ARHGAP44: variants seen among roughly 807,000 people sequenced by gnomAD.
The protein encoded by ARHGAP44 is rho GTPase-activating protein 44.
ARHGAP44 carries 43 observed loss-of-function variants against 106.8 expected under a neutral mutation model. The ratio of observed to expected loss-of-function variants is 0.40; its 90% CI spans 0.32 to 0.52. ARHGAP44 has a LOEUF of 0.52. Among genes scored for constraint, ARHGAP44 ranks in the 20% least tolerant of loss-of-function variants. ARHGAP44 has a pLI of 0.48. For synonymous variants in ARHGAP44, 439 were observed against 410.3 expected (o/e 1.07, Z -0.85); for missense variants, 866 against 1,050.5 (o/e 0.82, Z 2.43).
chr17:12,965,838 G>A (rs1444465921), intron 16 of ARHGAP44, among the ~76,000 whole-genome samples: 4 of 152,102 alleles, frequency 2.6e-5, no homozygotes, highest in African/African-American at 9.7e-5. Flanking sequence ...AGATCCTGTG[G>A]TGGAGGGTTG....
intron 1 of ARHGAP44, among the ~76,000 whole-genome samples, chr17:12,813,298 G>GTT (rs201101518): frequency 5.4e-5 from 8 of 147,190 alleles, no homozygotes; most frequent in East Asian, 2.0e-4. Context: ...GTTAAAGGAG[G>GTT]TTTTTTGTTT....
chr17:12,908,898 A>G lies in ARHGAP44; in HGVS notation c.200A>G (p.Lys67Arg), dbSNP rs1598036483. The G allele has an allele frequency of 1.2e-6, 2 of 1,603,642 alleles. No homozygotes were observed. The highest frequency in any genetic ancestry group is 1.7e-6 in the Non-Finnish European group (2 of 1,177,050). The part of the protein sequence containing the change: ...QQGAEADKRS[K>R]KLPLTTLAQC... ...TTACAGCATTTGCTTTCTTTTCAGA[A>G]AAAGTTGCCTTTGACAACACTGGCT... The change falls in exon 4 of 21, where the codon AAA becomes AGA. Residue 67 changes from lysine (K) to arginine (R), a missense_variant and splice_region_variant. This residue lies in a region of ARHGAP44 where 448 missense variants were observed against 646.9 expected (regional missense o/e 0.69). Coordinates refer to ENST00000379672, the MANE Select transcript of ARHGAP44 (RefSeq NM_014859.6).
chr17:12,818,976 A>T (rs2034681879), intron 1 of ARHGAP44, among the ~76,000 whole-genome samples: 1 of 152,076 alleles, frequency 6.6e-6, no homozygotes, highest in East Asian at 1.9e-4. Flanking sequence ...GACAATCTAG[A>T]AAGAAGAACA....
intron 1 of ARHGAP44, among the ~76,000 whole-genome samples, chr17:12,894,669 A>G (rs927512093): frequency 1.3e-5 from 2 of 151,966 alleles, no homozygotes; most frequent in African/African-American, 2.4e-5. Flanking sequence ...ATATATACAT[A>G]TCTGGAAACA....
intron 7 of ARHGAP44, among the ~76,000 whole-genome samples, chr17:12,939,688 G>A (rs1458192775): frequency 6.6e-6 from 1 of 152,102 alleles, no homozygotes; most frequent in Non-Finnish European, 1.5e-5. Context: ...GGATGGTCTC[G>A]ATCTCCTGAC....
chr17:12,905,357 T>C (rs1291902386), intron 3 of ARHGAP44, among the ~76,000 whole-genome samples: 1 of 152,204 alleles, frequency 6.6e-6, no homozygotes, highest in Non-Finnish European at 1.5e-5. Context: ...AGGTGTTAAA[T>C]GACTCAAAAT....
At chr17:12,848,496 A>G (rs1207973250) in intron 1 of ARHGAP44, among the ~76,000 whole-genome samples, 1 of 152,170 alleles carries the variant, frequency 6.6e-6, no homozygotes, top group African/African-American at 2.4e-5. Flanking sequence ...TATCCTTTGA[A>G]GTATTCCTGC....
intron 13 of ARHGAP44, among the ~76,000 whole-genome samples, chr17:12,954,338 A>G (rs2039075244): frequency 6.6e-6 from 1 of 152,158 alleles, no homozygotes; most frequent in African/African-American, 2.4e-5. Flanking sequence ...AAAGTAGTAA[A>G]TTGTACGTAT....
Position 12,955,948 on chromosome 17 carries a change from A to C in ARHGAP44, c.1218A>C (p.Leu406Phe). The change falls in exon 14 of 21, where the codon TTA becomes TTC. Residue 406 changes from leucine (L) to phenylalanine (F), a missense_variant. By Grantham distance (22) the Leu-to-Phe change is conservative (BLOSUM62 0). Transcript: ENST00000379672. The part of the protein sequence containing the change: ...KMTPSNMAIV[L>F]GPNLLWPQAE... ...CTCCCAGTAATATGGCAATTGTTTTAGGACCCAACCTCCTATGGCCACAAG... is the reference window on the plus strand; with the variant it reads ...CTCCCAGTAATATGGCAATTGTTTTCGGACCCAACCTCCTATGGCCACAAG... 6.2e-7 allele frequency: 1 copy of C among 1,613,508 alleles called. No homozygotes were observed. The highest frequency in any genetic ancestry group is 1.1e-5 in the South Asian group (1 of 91,044).
chr17:12,880,130 T>C (rs2036681453), intron 1 of ARHGAP44, among the ~76,000 whole-genome samples: 1 of 152,174 alleles, frequency 6.6e-6, no homozygotes, highest in East Asian at 1.9e-4. Flanking sequence ...GTTTTTCATC[T>C]TGTAGGAATC....
intron 1 of ARHGAP44, among the ~76,000 whole-genome samples, chr17:12,863,594 T>A (rs983655424): frequency 1.3e-5 from 2 of 152,186 alleles, no homozygotes; most frequent in African/African-American, 4.8e-5. Flanking sequence ...AGGAGAGACC[T>A]GGAGACAATA....
At position 12,949,189 on chromosome 17, in the gene ARHGAP44, C is replaced by G; in HGVS notation, c.911C>G (p.Ala304Gly). The G allele has an allele frequency of 3.2e-6, 5 of 1,582,628 alleles. No homozygotes were observed. Among genetic ancestry groups the G allele is most frequent in the Non-Finnish European group, 4.3e-6 (5 of 1,164,518 alleles). Reference protein sequence around the residue: ...PSASKLKKLKAALDCCVVDVQ... With the variant: ...PSASKLKKLKGALDCCVVDVQ... ...GCCTCCAAACTGAAGAAGCTGAAAG[C>G]GGCCCTGGACTGCTGCGTGGTGGAT... The change falls in exon 11 of 21, where the codon GCG becomes GGG. Residue 304 changes from alanine (A) to glycine (G), a missense_variant. Around this residue, in one of 2 missense-constraint regions of ARHGAP44, gnomAD observed 448 missense variants for 646.9 expected, o/e 0.69. Transcript: ENST00000379672. The surrounding 1 kb of genome is among the most constrained non-coding windows in gnomAD (Gnocchi z 4.1).
intron 1 of ARHGAP44, among the ~76,000 whole-genome samples, chr17:12,830,067 T>G (rs1293293170): frequency 6.6e-6 from 1 of 152,182 alleles, no homozygotes; most frequent in Admixed American, 6.5e-5. Flanking sequence ...CTCCTACCAC[T>G]AAGCAACAGC....
chr17:12,968,461 T>A (rs547462581), intron 16 of ARHGAP44, among the ~76,000 whole-genome samples: 2 of 152,312 alleles, frequency 1.3e-5, no homozygotes, highest in South Asian at 4.1e-4. Flanking sequence ...AAAGAACCTT[T>A]CAGACAAGAT....
At chr17:12,933,134 T>C (rs12940912) in intron 7 of ARHGAP44, among the ~76,000 whole-genome samples, 110,720 of 152,058 alleles carry the variant, frequency 0.73, 40,487 homozygotes, top group Admixed American at 0.78. Flanking sequence ...GGTTGCCAAC[T>C]GTTTTAAATA....
At chr17:12,861,572 C>T (rs1056056331) in intron 1 of ARHGAP44, among the ~76,000 whole-genome samples, 3 of 151,734 alleles carry the variant, frequency 2.0e-5, no homozygotes, top group African/African-American at 4.8e-5. Flanking sequence ...GTTGTGCTGT[C>T]CTCATACCAC....
At chr17:12,963,671 C>T (rs940015199) in intron 16 of ARHGAP44, among the ~76,000 whole-genome samples, 1 of 152,046 alleles carries the variant, frequency 6.6e-6, no homozygotes, top group South Asian at 2.1e-4. Flanking sequence ...TGCACCAGTG[C>T]CGTGTGAGCA....
At position 12,945,979 on chromosome 17, in the gene ARHGAP44, G is replaced by A. The variant is rs143681469; in HGVS notation, c.861+1783G>A. ...TCAGCATGCTGGCCAGGCTGGTCTT[G>A]AACTCCTGACCTCAGGTAATCCGTC... is the stretch of plus-strand genomic sequence containing the variant. On this transcript the variant is annotated intron_variant, in intron 10 of 20. Coordinates refer to ENST00000379672, the MANE Select transcript of ARHGAP44 (RefSeq NM_014859.6). Among the ~76,000 whole-genome samples, 379 of 152,150 alleles carry A rather than the reference G, an allele frequency of 2.5e-3. 2 individuals carry two copies. Among genetic ancestry groups the A allele is most frequent in the African/African-American group, 8.6e-3 (356 of 41,512 alleles).
chr17:12,979,815 G>A (rs1300004542), intron 18 of ARHGAP44, among the ~76,000 whole-genome samples: 1 of 152,158 alleles, frequency 6.6e-6, no homozygotes, highest in Non-Finnish European at 1.5e-5. Flanking sequence ...GCATGAAAAG[G>A]GCATTGGCAG....
Sources: allele counts gnomAD v4.1 joint callset (sites outside exome capture counted in the v4.1 genomes callset), GRCh38; gene constraint gnomAD v4.1.1; regional missense constraint gnomAD v4.1.1; non-coding constraint Gnocchi (gnomAD v3.1); transcripts MANE v1.5; gene names NCBI Gene and HGNC (gene_info 2026-07-23, HGNC 2026-07-21).